Variants in CRISPLD1 observed in about 807,000 individuals in gnomAD.
The protein encoded by CRISPLD1 is cysteine rich secretory protein LCCL domain containing 1, also known as cysteine-rich secretory protein LCCL domain-containing 1.
CRISPLD1 carries 60 observed loss-of-function variants against 77.5 expected under a neutral mutation model. That is an observed-to-expected ratio of 0.77 (90% CI 0.63 to 0.96). The LOEUF is 0.96. Ranked by LOEUF, CRISPLD1 falls within the 40% of genes least tolerant of loss-of-function variation. The pLI is 0.00. For missense variants in CRISPLD1, 623 were observed against 615.8 expected, an observed-to-expected ratio of 1.01 and a Z score of -0.12; for synonymous variants, 195 against 200.1, an observed-to-expected ratio of 0.97 and a Z score of 0.22.
chr8:75,017,262 G>A (rs1156747789), intron 9 of CRISPLD1, 58 bp from the exon 10 acceptor site: 16 of 1,579,038 alleles, frequency 1.0e-5, no homozygotes, highest in Non-Finnish European at 1.4e-5. Context: ...TAAATAGTTG[G>A]GACTTATGCA....
chr8:74,998,888 A>G (rs1486171249), intron 2 of CRISPLD1, among the ~76,000 whole-genome samples: 2 of 151,836 alleles, frequency 1.3e-5, no homozygotes, highest in Admixed American at 6.6e-5. Context: ...ACTAGGCAAC[A>G]TCTGGAGACT....
intron 1 of CRISPLD1, among the ~76,000 whole-genome samples, chr8:74,985,463 C>G (rs11777623): frequency 0.14 from 21,290 of 152,082 alleles, 1,768 homozygotes; most frequent in African/African-American, 0.24. Context: ...GAGTGTGAAA[C>G]AGAGATGGGC....
chr8:75,022,915 ATTAC>A (rs1356844850), intron 12 of CRISPLD1, among the ~76,000 whole-genome samples: 1 of 152,128 alleles, frequency 6.6e-6, no homozygotes, highest in African/African-American at 2.4e-5. Context: ...TGTAGTAATT[ATTAC>A]TTAGTGTCTT....
chr8:74,997,261 A>G (rs142542601), intron 2 of CRISPLD1, among the ~76,000 whole-genome samples: 4 of 152,222 alleles, frequency 2.6e-5, no homozygotes, highest in African/African-American at 9.6e-5. Flanking sequence ...AGGGGTAAAG[A>G]TGGAGAAGGT....
chr8:74,992,905 G>GTTTTTTTTTT (rs771210880), intron 2 of CRISPLD1, among the ~76,000 whole-genome samples: 1 of 115,240 alleles, frequency 8.7e-6, no homozygotes, highest in Non-Finnish European at 1.8e-5. Flanking sequence ...AGAAATTATG[G>GTTTTTTTTTT]TTTTTTTTTT....
chr8:75,021,960 A>G (rs1813143277), intron 12 of CRISPLD1, among the ~76,000 whole-genome samples: 1 of 152,178 alleles, frequency 6.6e-6, no homozygotes, highest in Admixed American at 6.5e-5. Context: ...AGAGCATTCT[A>G]ACATAAAGGC....
intron 10 of CRISPLD1, among the ~76,000 whole-genome samples, chr8:75,019,337 ATGTGCC>A: frequency 6.6e-6 from 1 of 152,324 alleles, no homozygotes; most frequent in South Asian, 2.1e-4. Context: ...ATGTATAATT[ATGTGCC>A]TAATCTTATA....
At chr8:75,021,474 T>C (rs1470936424) in intron 12 of CRISPLD1, among the ~76,000 whole-genome samples, 1 of 152,226 alleles carries the variant, frequency 6.6e-6, no homozygotes, top group Non-Finnish European at 1.5e-5. Flanking sequence ...CTTGTGCGTT[T>C]GCTGAAATCA....
At chr8:75,006,533 C>T (rs1463163666) in intron 2 of CRISPLD1, among the ~76,000 whole-genome samples, 1 of 152,070 alleles carries the variant, frequency 6.6e-6, no homozygotes, top group African/African-American at 2.4e-5. Flanking sequence ...AAAGTTTCTA[C>T]AGTAGCCAAA....
Position 75,017,398 on chromosome 8 carries a change from G to A in CRISPLD1, c.1075G>A (p.Gly359Arg). The change falls in exon 10 of 15, where the codon GGA (glycine) becomes AGA (arginine). Residue 359 changes from glycine to arginine, a missense_variant. Transcript: ENST00000262207. ...TGGCTGGGTAGATATCACTAGACAAGGAAGAAAGCATTATTTCATCAAGTC... is the reference window on the plus strand; with the variant it reads ...TGGCTGGGTAGATATCACTAGACAAAGAAGAAAGCATTATTTCATCAAGTC... Reference protein sequence around the residue: ...DGGWVDITRQGRKHYFIKSNR... With the variant: ...DGGWVDITRQRRKHYFIKSNR... 1 of 1,610,260 alleles carries A rather than the reference G, an allele frequency of 6.2e-7. No individual in the cohort carries two copies. Among genetic ancestry groups the A allele is most frequent in the Non-Finnish European group, 8.5e-7 (1 of 1,178,030 alleles).
chr8:75,017,476 C>T, intron 10 of CRISPLD1, 26 bp downstream of exon 10: 1 of 1,559,796 alleles, frequency 6.4e-7, no homozygotes, highest in Non-Finnish European at 8.7e-7. Context: ...ATCTTTTGGA[C>T]CAGATAATTT....
rs542249634 is a variant in CRISPLD1, at chr8:75,032,394, A to G, written c.*152A>G. 6.0e-4 allele frequency: 269 copies of G among 445,218 alleles called. 1 individual carries two copies. The highest frequency in any genetic ancestry group is 4.8e-3 in the African/African-American group (239 of 49,448). 27.6% of individuals were successfully genotyped at this position (445,218 alleles called of 1,614,324 possible). A position where few individuals can be genotyped will look rare whatever the true frequency, so the allele number is the denominator to read the frequency against. On this transcript the variant is annotated 3_prime_UTR_variant, in exon 15 of 15. Coordinates refer to ENST00000262207, the MANE Select transcript of CRISPLD1 (RefSeq NM_031461.6). ...ATATAAATCTTGATAAACAAAGTCT[A>G]TAAAATAAAACATGGGACATTAGCT...
chr8:75,030,890 CTATATACACATATACATACATA>C (rs1230177672), intron 14 of CRISPLD1, among the ~76,000 whole-genome samples: 2 of 151,582 alleles, frequency 1.3e-5, no homozygotes, highest in Non-Finnish European at 1.5e-5. Context: ...ATATACACTT[CTATATACACATATACATACATA>C]TATATACACA....
At chr8:75,021,929 A>G (rs1465861645) in intron 12 of CRISPLD1, among the ~76,000 whole-genome samples, 2 of 152,162 alleles carry the variant, frequency 1.3e-5, no homozygotes, top group South Asian at 2.1e-4. Flanking sequence ...ATGAGGACCA[A>G]ATAATAAGGA....
In CRISPLD1 at chr8:75,014,089, A is replaced by C. The variant is rs1018068248; in HGVS notation, c.613A>C (p.Asn205His). Reference sequence around the variant, plus strand: ...GCCCAAAGCTGTCTACCTGGTGTGCAATTACTCCCCAAAGTGAGTAGACAA... The same window carrying C: ...GCCCAAAGCTGTCTACCTGGTGTGCCATTACTCCCCAAAGTGAGTAGACAA... Reference protein sequence around the residue: ...IWPKAVYLVCNYSPKGNWWGH... With the variant: ...IWPKAVYLVCHYSPKGNWWGH... The change falls in exon 5 of 15, where the codon AAT (asparagine) becomes CAT (histidine). Residue 205 changes from asparagine to histidine, a missense_variant. Physicochemically the swap from Asn to His is moderately conservative, Grantham distance 68. Coordinates refer to ENST00000262207, the MANE Select transcript of CRISPLD1 (RefSeq NM_031461.6). 2 of 1,606,660 alleles carry C rather than the reference A, an allele frequency of 1.2e-6. No homozygotes were observed. The highest frequency in any genetic ancestry group is 1.1e-5 in the South Asian group (1 of 90,914).
chr8:75,023,102 G>A (rs924872237), intron 12 of CRISPLD1, among the ~76,000 whole-genome samples: 2 of 148,666 alleles, frequency 1.3e-5, no homozygotes, highest in Non-Finnish European at 3.0e-5. Flanking sequence ...AAAGTTTACC[G>A]GACCAGTACC....
At chr8:75,019,093 G>A (rs1563400969) in intron 10 of CRISPLD1, among the ~76,000 whole-genome samples, 1 of 151,974 alleles carries the variant, frequency 6.6e-6, no homozygotes, top group Non-Finnish European at 1.5e-5. Flanking sequence ...AAACTTGAAG[G>A]CTATATTTAA....
intron 2 of CRISPLD1, among the ~76,000 whole-genome samples, chr8:74,998,077 G>A (rs1169393464): frequency 6.6e-6 from 1 of 152,182 alleles, no homozygotes; most frequent in East Asian, 1.9e-4. Context: ...GGTTGAGAAA[G>A]CACTTGGCAT....
chr8:75,009,111 T>G (rs1812884419), intron 2 of CRISPLD1, among the ~76,000 whole-genome samples: 1 of 152,118 alleles, frequency 6.6e-6, no homozygotes, highest in Non-Finnish European at 1.5e-5. Context: ...AGGATTCTTC[T>G]AAGAGCTCAG....
Sources: allele counts gnomAD v4.1 joint callset (sites outside exome capture counted in the v4.1 genomes callset), GRCh38; gene constraint gnomAD v4.1.1; transcripts MANE v1.5; gene names NCBI Gene and HGNC (gene_info 2026-07-23, HGNC 2026-07-21).